BBX: variants seen among roughly 807,000 people sequenced by gnomAD.
BBX encodes HMG box transcription factor BBX.
Under a neutral mutation model 100.2 loss-of-function variants are expected in BBX, and 30 were observed. That is an observed-to-expected ratio of 0.30 (90% CI 0.22 to 0.41). The LOEUF (loss-of-function observed/expected upper bound fraction) is 0.41. Among genes scored for constraint, BBX ranks in the 10% least tolerant of loss-of-function variants. The pLI is 1.00. For missense variants in BBX, 1,023 were observed against 1,129.8 expected (o/e 0.91, Z 1.35); for synonymous variants, 376 against 388.1 (o/e 0.97, Z 0.37).
At chr3:107,677,295 G>A (rs758885093) in intron 3 of BBX, 1 of 152,082 alleles carries the variant, frequency 6.6e-6, no homozygotes, top group Non-Finnish European at 1.5e-5. Flanking sequence ...TGCTTTGGTA[G>A]GGCATTGTGC....
intron 16 of BBX, among the ~76,000 whole-genome samples, chr3:107,799,777 C>G (rs1182108249): frequency 2.0e-5 from 3 of 152,128 alleles, no homozygotes; most frequent in African/African-American, 7.2e-5. Flanking sequence ...TCAATCATGG[C>G]CTGTTGTCTG....
At chr3:107,698,441 A>G (rs1003535922) in intron 3 of BBX, among the ~76,000 whole-genome samples, 18 of 151,674 alleles carry the variant, frequency 1.2e-4, no homozygotes, top group African/African-American at 4.4e-4. Flanking sequence ...TCACAAGGTC[A>G]GGAGTTTGAC....
intron 3 of BBX, among the ~76,000 whole-genome samples, chr3:107,703,612 T>TA (rs1403888927): frequency 9.9e-5 from 15 of 152,208 alleles, no homozygotes; most frequent in African/African-American, 3.4e-4. Context: ...TTGACAGAGT[T>TA]AAAGTTTCAA....
At chr3:107,536,909 T>C (rs1463328295) in intron 2 of BBX, among the ~76,000 whole-genome samples, 1 of 152,200 alleles carries the variant, frequency 6.6e-6, no homozygotes, top group Non-Finnish European at 1.5e-5. Flanking sequence ...AGATATGGTA[T>C]GAAATAGTGC....
chr3:107,772,870 T>C lies in BBX; in HGVS notation c.1149T>C (p.Ala383=), dbSNP rs2067016152. Residue 383 remains alanine, a synonymous_variant, in exon 11 of 18, where the codon GCT becomes GCC. Coordinates refer to ENST00000325805, the MANE Select transcript of BBX (RefSeq NM_001142568.3). Reference sequence around the variant, plus strand: ...CATTGCAAATAGATGACATAATGGCTATAAAAATGGAAGATCCCAAAGAAA... The same window carrying C: ...CATTGCAAATAGATGACATAATGGCCATAAAAATGGAAGATCCCAAAGAAA... The part of the protein sequence containing the change: ...FEALQIDDIM[A]IKMEDPKEIR... 2 of 1,612,752 alleles carry C rather than the reference T, an allele frequency of 1.2e-6. No homozygotes were observed. The highest frequency in any genetic ancestry group is 1.1e-5 in the South Asian group (1 of 90,534).
rs571283237 is a variant in BBX at position 107,620,942 on chromosome 3, G to T, written c.-83-24894G>T. Among the ~76,000 whole-genome samples the T allele has an allele frequency of 9.4e-4, 139 of 147,144 alleles. 2 individuals carry two copies. Among genetic ancestry groups the T allele is most frequent in the East Asian group, 4.9e-3 (24 of 4,918 alleles). On this transcript the variant is annotated intron_variant, in intron 2 of 17. Coordinates refer to ENST00000325805, the MANE Select transcript of BBX (RefSeq NM_001142568.3). The stretch of plus-strand genomic sequence containing the variant: ...TGATTGATTTCTGCGGAGTGTGTGT[G>T]TGGGGGGGTGGGGGGAGAAAATCGG...
chr3:107,731,422 C>T (rs569590405), intron 6 of BBX, among the ~76,000 whole-genome samples: 18 of 152,216 alleles, frequency 1.2e-4, no homozygotes, highest in African/African-American at 4.1e-4. Context: ...ATTCATTTCC[C>T]TCTCTTGATT....
At chr3:107,628,370 CT>C (rs567113384) in intron 2 of BBX, among the ~76,000 whole-genome samples, 389 of 151,416 alleles carry the variant, frequency 2.6e-3, no homozygotes, top group African/African-American at 8.9e-3. Context: ...CAAGAGTTTG[CT>C]TTTTTTATTG....
intron 12 of BBX, among the ~76,000 whole-genome samples, chr3:107,776,500 C>G (rs988081623): frequency 1.3e-5 from 2 of 152,002 alleles, no homozygotes; most frequent in South Asian, 4.1e-4. Context: ...TGTCAGGATT[C>G]GAGTATTTGG....
chr3:107,789,694 A>G, intron 13 of BBX, 93 bp from the exon 14 acceptor site: 2 of 873,602 alleles, frequency 2.3e-6, no homozygotes, highest in South Asian at 2.3e-5. Context: ...CTTATTCCAC[A>G]GGAGGGAGGA....
chr3:107,592,234 G>A (rs970554098), intron 2 of BBX, among the ~76,000 whole-genome samples: 2 of 151,694 alleles, frequency 1.3e-5, no homozygotes, highest in African/African-American at 4.8e-5. Context: ...GGGTTTAGTG[G>A]TGCGCACGTG....
intron 14 of BBX, among the ~76,000 whole-genome samples, chr3:107,790,665 C>T (rs1166381656): frequency 2.0e-5 from 3 of 152,198 alleles, no homozygotes; most frequent in Admixed American, 2.0e-4. Context: ...CATCTCCCTG[C>T]ATGTTAGTGT....
intron 2 of BBX, among the ~76,000 whole-genome samples, chr3:107,540,640 A>G (rs1043507513): frequency 1.2e-4 from 18 of 152,182 alleles, no homozygotes; most frequent in Non-Finnish European, 2.4e-4. Context: ...AAAACTGCCA[A>G]ATCACATTAT....
chr3:107,632,103 GTCTCCC>G (rs1167902643), intron 2 of BBX, among the ~76,000 whole-genome samples: 3 of 151,884 alleles, frequency 2.0e-5, no homozygotes, highest in Non-Finnish European at 4.4e-5. Context: ...TTGAGATGGC[GTCTCCC>G]TCTGCCACTC....
chr3:107,659,179 C>T (rs1324259111), intron 3 of BBX, among the ~76,000 whole-genome samples: 1 of 151,610 alleles, frequency 6.6e-6, no homozygotes, highest in Non-Finnish European at 1.5e-5. Context: ...GGCATATTTT[C>T]CCCCAACATT....
chr3:107,625,722 T>G (rs554011725), intron 2 of BBX, among the ~76,000 whole-genome samples: 1 of 152,226 alleles, frequency 6.6e-6, no homozygotes. Flanking sequence ...ACATAAATGC[T>G]TATAGTCTGT....
At chr3:107,730,003 C>T (rs1430304861) in intron 6 of BBX, among the ~76,000 whole-genome samples, 2 of 152,118 alleles carry the variant, frequency 1.3e-5, no homozygotes, top group Admixed American at 6.6e-5. Context: ...GGGAGGATCA[C>T]TTGAGTCCAG....
chr3:107,799,763 A>G (rs1252363413), intron 16 of BBX, among the ~76,000 whole-genome samples: 1 of 152,090 alleles, frequency 6.6e-6, no homozygotes, highest in Non-Finnish European at 1.5e-5. Flanking sequence ...GAATTTCTCC[A>G]TTTTCAATCA....
In BBX at chr3:107,731,245, T is replaced by C. The variant is rs143306304; in HGVS notation, c.602-1711T>C. The stretch of plus-strand genomic sequence containing the variant: ...ACAGCAAACTTCTTGCAAAGTCACA[T>C]TGGTATATAAATTATCACGTAATCA... On this transcript the variant is annotated intron_variant, in intron 6 of 17. Transcript: ENST00000325805. Among the ~76,000 whole-genome samples, 38 of 152,294 alleles carry C rather than the reference T, an allele frequency of 2.5e-4. No homozygotes were observed. The East Asian group carries it at 5.6e-3, about 22-fold the overall frequency.
Sources: allele counts gnomAD v4.1 joint callset (sites outside exome capture counted in the v4.1 genomes callset), GRCh38; gene constraint gnomAD v4.1.1; transcripts MANE v1.5; gene names NCBI Gene and HGNC (gene_info 2026-07-23, HGNC 2026-07-21).